The following RAD50 variants were observed in gnomAD, a reference collection of about 807,000 sequenced individuals.
RAD50 encodes the protein DNA repair protein RAD50.
A neutral mutation model predicts 168.8 loss-of-function variants in RAD50; 132 were observed. The observed-to-expected ratio is 0.78, with a 90% CI of 0.68 to 0.90. The LOEUF (loss-of-function observed/expected upper bound fraction) is 0.90. Ranked by LOEUF, RAD50 falls within the 40% of genes least tolerant of loss-of-function variation. RAD50 has a pLI of 0.00. For synonymous variants in RAD50, 525 were observed against 497.4 expected (o/e 1.06, Z -0.74); for missense variants, 1,347 against 1,534.4 (o/e 0.88, Z 2.04).
Position 132,575,920 on chromosome 5 carries a change from T to C in RAD50, c.357T>C (p.Thr119=). The change falls in exon 3 of 25, where the codon ACT becomes ACC. Residue 119 remains threonine (T), a synonymous_variant. Transcript: ENST00000378823. ...TTAAAACTCTGGAAGGAGTCATTAC[T>C]AGAACAAAGTAGGTGTTTATATGAT... ...TEFKTLEGVI[T]RTKHGEKVSL... 1 of 1,608,106 alleles carries C rather than the reference T, an allele frequency of 6.2e-7. No individual in the cohort carries two copies. The highest frequency in any genetic ancestry group is 8.5e-7 in the Non-Finnish European group (1 of 1,175,042).
chr5:132,616,623 T>C (rs1309806355), intron 20 of RAD50, among the ~76,000 whole-genome samples: 1 of 152,250 alleles, frequency 6.6e-6, no homozygotes, highest in African/African-American at 2.4e-5. Context: ...TTGTTACTTA[T>C]TGTAGTTGCT....
intron 23 of RAD50, among the ~76,000 whole-genome samples, chr5:132,638,562 A>T (rs1446722176): frequency 1.3e-5 from 2 of 152,254 alleles, no homozygotes; most frequent in Admixed American, 1.3e-4. Context: ...CCACTATTTT[A>T]TGTGCCAGCA....
rs1468846402 is a variant in RAD50, at chr5:132,580,001, G to A, written c.691G>A (p.Glu231Lys). 3.1e-6 allele frequency: 5 copies of A among 1,613,408 alleles called. 1 individual carries two copies. In the South Asian group the frequency reaches 5.5e-5, roughly 18 times the overall value. Residue 231 changes from glutamate (E) to lysine (K), a missense_variant, in exon 5 of 25, where the codon GAA becomes AAA. Glu to Lys is a moderately conservative substitution (Grantham distance 56). This residue lies in a region of RAD50 where 703 missense variants were observed against 767.7 expected (regional missense o/e 0.92). Transcript: ENST00000378823. ...CEIRDQITSK[E>K]AQLTSSKEIV... ...GATTCGTGATCAGATTACAAGTAAGGAAGCCCAGTTAACATCTTCAAAGGA... is the reference window on the plus strand; with the variant it reads ...GATTCGTGATCAGATTACAAGTAAGAAAGCCCAGTTAACATCTTCAAAGGA...
intron 2 of RAD50, among the ~76,000 whole-genome samples, chr5:132,571,067 C>G (rs767590582): frequency 3.9e-5 from 6 of 151,962 alleles, no homozygotes; most frequent in Non-Finnish European, 5.9e-5. Flanking sequence ...AGGACACACA[C>G]GTTAATGGAT....
chr5:132,564,077 A>G (rs7704677), intron 2 of RAD50, among the ~76,000 whole-genome samples: 7,231 of 152,242 alleles, frequency 0.047, 563 homozygotes, highest in African/African-American at 0.17. Context: ...ATTTCTTTGT[A>G]GCAGTGAGAA....
chr5:132,625,152 T>A (rs1444336865), intron 21 of RAD50, among the ~76,000 whole-genome samples: 7 of 150,086 alleles, frequency 4.7e-5, no homozygotes, highest in African/African-American at 1.5e-4. Flanking sequence ...AGTGGCGGGA[T>A]CTCGGCTCAC....
chr5:132,572,278 A>G (rs1454617183), intron 2 of RAD50, among the ~76,000 whole-genome samples: 2 of 152,218 alleles, frequency 1.3e-5, no homozygotes, highest in Non-Finnish European at 2.9e-5. Context: ...TGAGGAAGGC[A>G]TCCACAGAAG....
intron 1 of RAD50, 124 bp from the exon 2 acceptor site, chr5:132,559,160 A>T: frequency 1.0e-6 from 1 of 974,916 alleles, no homozygotes. Context: ...TACAGGTTTT[A>T]TAATGTCAGA....
At chr5:132,616,339 G>C (rs1293234062) in intron 20 of RAD50, among the ~76,000 whole-genome samples, 1 of 152,200 alleles carries the variant, frequency 6.6e-6, no homozygotes, top group Non-Finnish European at 1.5e-5. Context: ...TAATCACACT[G>C]TAGTGATGGG....
At position 132,595,829 on chromosome 5, in the gene RAD50, T is replaced by C; in HGVS notation, c.2207+19T>C. The stretch of plus-strand genomic sequence containing the variant: ...CCATGAGGTAAGAATGGGATTTACC[T>C]TCACTGTACATGTAGCAGCACATTG... On this transcript the variant is annotated intron_variant, in intron 13 of 24. Transcript: ENST00000378823. 1 of 1,563,238 alleles carries C rather than the reference T, an allele frequency of 6.4e-7. No individual in the cohort carries two copies. The highest frequency in any genetic ancestry group is 8.8e-7 in the Non-Finnish European group (1 of 1,141,764).
intron 19 of RAD50, among the ~76,000 whole-genome samples, chr5:132,612,832 AAT>A (rs764745806): frequency 1.3e-5 from 2 of 150,714 alleles, no homozygotes; most frequent in Non-Finnish European, 3.0e-5. Flanking sequence ...TGTCTCAAAA[AAT>A]ATATATATAT....
chr5:132,569,256 A>T (rs1445285282), intron 2 of RAD50, among the ~76,000 whole-genome samples: 1 of 152,210 alleles, frequency 6.6e-6, no homozygotes, highest in African/African-American at 2.4e-5. Flanking sequence ...AATTTTAAAA[A>T]CCCAAATAAA....
chr5:132,575,392 G>T (rs182168501), intron 2 of RAD50, among the ~76,000 whole-genome samples: 11 of 152,268 alleles, frequency 7.2e-5, no homozygotes, highest in African/African-American at 2.6e-4. Flanking sequence ...CTTCAACTGG[G>T]TACCTCCTGC....
intron 21 of RAD50, among the ~76,000 whole-genome samples, chr5:132,634,241 C>A (rs964437165): frequency 6.6e-6 from 1 of 152,124 alleles, no homozygotes; most frequent in East Asian, 1.9e-4. Flanking sequence ...TTCCTTTTAT[C>A]CTATTGTAAA....
intron 21 of RAD50, among the ~76,000 whole-genome samples, chr5:132,634,062 T>A (rs1751527114): frequency 6.6e-6 from 1 of 152,216 alleles, no homozygotes; most frequent in Non-Finnish European, 1.5e-5. Context: ...TTATCTCTTC[T>A]ATATGAACTT....
In RAD50 at chr5:132,590,036, A is replaced by G. The variant is rs145673008; in HGVS notation, c.1452+199A>G. ...ACCCGATAGCCTGAAAATTAGAATCACATAGGGAGCTTTTTAAAGATACTG... is the reference window on the plus strand; with the variant it reads ...ACCCGATAGCCTGAAAATTAGAATCGCATAGGGAGCTTTTTAAAGATACTG... On this transcript the variant is annotated intron_variant, in intron 9 of 24. Transcript: ENST00000378823. 1.6e-3 allele frequency among the ~76,000 whole-genome samples: 238 copies of G among 152,310 alleles called. 1 individual carries two copies. The highest frequency in any genetic ancestry group is 5.2e-3 in the African/African-American group (217 of 41,564).
At chr5:132,592,878 G>A (rs1182125603) in intron 11 of RAD50, 2 of 470,922 alleles carry the variant, frequency 4.2e-6, no homozygotes, top group Non-Finnish European at 8.8e-6. Context: ...CAGCTGATCT[G>A]GAAGCAGTGA....
intron 2 of RAD50, among the ~76,000 whole-genome samples, chr5:132,566,935 T>C (rs896111571): frequency 6.6e-6 from 1 of 152,218 alleles, no homozygotes. Context: ...CTGTCCTAGA[T>C]AGGTTAGATG....
At chr5:132,624,763 G>A (rs1460833146) in intron 21 of RAD50, among the ~76,000 whole-genome samples, 3 of 151,488 alleles carry the variant, frequency 2.0e-5, no homozygotes, top group African/African-American at 7.3e-5. Context: ...ATCTGGGCGT[G>A]GTAGCACACA....
Sources: gnomAD v4.1 joint callset for allele counts (sites outside exome capture counted in the v4.1 genomes callset) on GRCh38, gnomAD v4.1.1 for gene constraint, gnomAD v4.1.1 regional missense constraint, MANE v1.5 for transcripts, NCBI Gene and HGNC (gene_info 2026-07-23, HGNC 2026-07-21) for gene names.